The following DISP1 variants were observed in gnomAD, a reference collection of about 807,000 sequenced individuals.
DISP1 encodes dispatched RND transporter family member 1.
DISP1 carries 30 observed loss-of-function variants against 37.3 expected under a neutral mutation model. The observed-to-expected ratio is 0.80, with a 90% confidence interval of 0.60 to 1.09. The LOEUF is 1.09. Among genes scored for constraint, DISP1 ranks in the 50% least tolerant of loss-of-function variants. DISP1 has a pLI of 0.00. For synonymous variants in DISP1, 634 were observed against 690.2 expected, an observed-to-expected ratio of 0.92 and a Z score of 1.28; for missense variants, 1,598 against 1,879.5, an observed-to-expected ratio of 0.85 and a Z score of 2.77.
At chr1:222,969,716 T>C (rs1676798428) in intron 3 of DISP1, among the ~76,000 whole-genome samples, 4 of 152,034 alleles carry the variant, frequency 2.6e-5, no homozygotes, top group Admixed American at 2.0e-4. Context: ...ATTTTGTTTA[T>C]ATTTAATTTC....
chr1:222,993,629 T>C (rs1372241171), intron 7 of DISP1, among the ~76,000 whole-genome samples: 2 of 152,194 alleles, frequency 1.3e-5, no homozygotes, highest in African/African-American at 4.8e-5. Flanking sequence ...TCCTTTTCTG[T>C]CTCTTCTCTT....
chr1:222,890,807 G>T (rs1224612124), intron 1 of DISP1, among the ~76,000 whole-genome samples: 1 of 152,040 alleles, frequency 6.6e-6, no homozygotes, highest in African/African-American at 2.4e-5. Context: ...TGGTTTGTTG[G>T]AAATCTTTGG....
intron 2 of DISP1, among the ~76,000 whole-genome samples, chr1:222,936,873 A>T: frequency 1.4e-5 from 1 of 71,866 alleles, no homozygotes; most frequent in African/African-American, 5.7e-5. Flanking sequence ...TATATATCAT[A>T]TATATGATAT....
intron 1 of DISP1, among the ~76,000 whole-genome samples, chr1:222,876,535 G>T (rs950214556): frequency 6.6e-6 from 1 of 152,120 alleles, no homozygotes; most frequent in Non-Finnish European, 1.5e-5. Flanking sequence ...AAAAAGAAGA[G>T]GTAAATAAAT....
At chr1:222,991,976 G>A in intron 6 of DISP1, 37 bp from the exon 7 acceptor site, 3 of 1,511,348 alleles carry the variant, frequency 2.0e-6, no homozygotes, top group Non-Finnish European at 2.8e-6. Context: ...GAAATAACGA[G>A]AACTTTATTG....
At chr1:222,970,122 C>T (rs962141283) in intron 3 of DISP1, among the ~76,000 whole-genome samples, 5 of 152,218 alleles carry the variant, frequency 3.3e-5, no homozygotes, top group African/African-American at 1.2e-4. Context: ...ATTTGCTCTT[C>T]TGATAAAACT....
intron 1 of DISP1, among the ~76,000 whole-genome samples, chr1:222,878,216 C>T (rs1046223719): frequency 2.1e-4 from 32 of 152,148 alleles, no homozygotes; most frequent in Non-Finnish European, 4.4e-4. Context: ...TAGTGCAGAG[C>T]AATTAGAGCT....
intron 1 of DISP1, among the ~76,000 whole-genome samples, chr1:222,871,563 G>T (rs550380218): frequency 3.8e-4 from 58 of 152,274 alleles, no homozygotes; most frequent in Non-Finnish European, 7.5e-4. Flanking sequence ...ATTGTGAATG[G>T]GAATACACTC....
chr1:222,823,015 T>G (rs1663336399), intron 1 of DISP1, among the ~76,000 whole-genome samples: 1 of 152,194 alleles, frequency 6.6e-6, no homozygotes, highest in African/African-American at 2.4e-5. Context: ...GTGGAATGAC[T>G]GATAGACCTA....
chr1:222,997,576 A>G (rs1044614757), intron 8 of DISP1, among the ~76,000 whole-genome samples: 17 of 152,212 alleles, frequency 1.1e-4, no homozygotes, highest in Admixed American at 9.8e-4. Flanking sequence ...GATCAAAGCA[A>G]TGGAATCTAT....
chr1:222,991,258 T>C lies in DISP1; in HGVS notation c.664-262T>C, dbSNP rs549530564. Among the ~76,000 whole-genome samples, 7 of 152,368 alleles carry C rather than the reference T, an allele frequency of 4.6e-5. No homozygotes were observed. In the South Asian group the frequency reaches 1.4e-3, roughly 32 times the overall value. ...TAAAAGTAAGTATTTACTAAATGCT[T>C]AGGCATGAGTTGGAAAGATAAACTT... On this transcript the variant is annotated intron_variant, in intron 5 of 8. Coordinates refer to ENST00000675850, the MANE Select transcript of DISP1 (RefSeq NM_001377229.1).
At chr1:222,960,690 T>C (rs1053769993) in intron 3 of DISP1, among the ~76,000 whole-genome samples, 1 of 151,932 alleles carries the variant, frequency 6.6e-6, no homozygotes, top group Non-Finnish European at 1.5e-5. Context: ...GAGCTGGTTT[T>C]TTTTTGAAAA....
chr1:222,881,047 C>T (rs1370571452), intron 1 of DISP1, among the ~76,000 whole-genome samples: 1 of 152,106 alleles, frequency 6.6e-6, no homozygotes, highest in African/African-American at 2.4e-5. Context: ...AGCAACAGAA[C>T]AAGACCCTGT....
chr1:223,005,171 G>A lies in DISP1; in HGVS notation c.3774G>A (p.Gln1258=), dbSNP rs1401245476. The change falls in exon 9 of 9, where the codon CAG becomes CAA. Residue 1258 remains glutamine (Q), a synonymous_variant. Transcript: ENST00000675850. ...GSALLQPPLE[Q]HTVCHFFSLN... ...CCTTGTTACAGCCCCCTCTTGAACA[G>A]CATACCGTGTGTCACTTCTTCTCTC... is the stretch of plus-strand genomic sequence containing the variant. The A allele has an allele frequency of 1.9e-6, 3 of 1,614,078 alleles. No homozygotes were observed. Among genetic ancestry groups the A allele is most frequent in the African/African-American group, 1.3e-5 (1 of 74,946 alleles).
chr1:222,971,811 A>G (rs1027240930), intron 3 of DISP1, among the ~76,000 whole-genome samples: 4 of 152,130 alleles, frequency 2.6e-5, no homozygotes, highest in African/African-American at 9.6e-5. Flanking sequence ...AATTAACACA[A>G]AAACTCTTTA....
At chr1:222,877,943 G>A (rs904955752) in intron 1 of DISP1, among the ~76,000 whole-genome samples, 2 of 152,168 alleles carry the variant, frequency 1.3e-5, no homozygotes, top group African/African-American at 2.4e-5. Flanking sequence ...AGAGGCCAGC[G>A]AAATGGAGCA....
At chr1:222,849,003 G>C (rs745389237) in intron 1 of DISP1, among the ~76,000 whole-genome samples, 9 of 152,114 alleles carry the variant, frequency 5.9e-5, no homozygotes, top group Non-Finnish European at 1.2e-4. Context: ...CATTTTTGGA[G>C]TGTGTCTTTT....
At chr1:222,843,311 C>A (rs1667714579) in intron 1 of DISP1, among the ~76,000 whole-genome samples, 1 of 151,890 alleles carries the variant, frequency 6.6e-6, no homozygotes, top group East Asian at 1.9e-4. Flanking sequence ...GTAATTAGTT[C>A]AGTTGCAAAT....
chr1:222,859,505 A>G (rs545268204), intron 1 of DISP1, among the ~76,000 whole-genome samples: 49 of 152,340 alleles, frequency 3.2e-4, no homozygotes, highest in African/African-American at 1.1e-3. Context: ...AAAAAGTGGT[A>G]ATTAAAATTC....
Sources: allele counts gnomAD v4.1 joint callset (sites outside exome capture counted in the v4.1 genomes callset), GRCh38; gene constraint gnomAD v4.1.1; transcripts MANE v1.5; gene names NCBI Gene and HGNC (gene_info 2026-07-23, HGNC 2026-07-21).